Variants in DYTN observed in about 807,000 individuals in gnomAD.
DYTN encodes the protein dystrotelin.
DYTN carries 75 observed loss-of-function variants against 69.6 expected under a neutral mutation model. That is an observed-to-expected ratio of 1.08 (90% CI 0.89 to 1.31). The LOEUF is 1.31. DYTN is among the 50% of genes most tolerant of loss of function. The pLI is 0.00. For missense variants in DYTN, 726 were observed against 688.4 expected, an observed-to-expected ratio of 1.05 and a Z score of -0.61; for synonymous variants, 252 against 249.1, an observed-to-expected ratio of 1.01 and a Z score of -0.11.
chr2:206,687,756 A>G lies in DYTN; in HGVS notation c.980+5419T>C, dbSNP rs185995316. Reference sequence around the variant, plus strand: ...ATGCATTATTTTTCCATGAATTGAAATATCACCTTTATCATATATTAGGTT... The same window carrying G: ...ATGCATTATTTTTCCATGAATTGAAGTATCACCTTTATCATATATTAGGTT... On this transcript the variant is annotated intron_variant, in intron 9 of 11. Coordinates refer to ENST00000452335, the MANE Select transcript of DYTN (RefSeq NM_001093730.1). 6.2e-4 allele frequency among the ~76,000 whole-genome samples: 95 copies of G among 152,272 alleles called. 1 individual carries two copies. Among genetic ancestry groups the G allele is most frequent in the African/African-American group, 2.3e-3 (94 of 41,572 alleles).
chr2:206,667,692 G>A (rs968427561), intron 9 of DYTN, among the ~76,000 whole-genome samples: 2 of 134,868 alleles, frequency 1.5e-5, no homozygotes, highest in Non-Finnish European at 3.1e-5. Flanking sequence ...GCAACTTTGC[G>A]TGTGCGTGTG....
intron 7 of DYTN, among the ~76,000 whole-genome samples, chr2:206,696,247 A>C (rs77686261): frequency 0.019 from 2,821 of 152,288 alleles, 75 homozygotes; most frequent in African/African-American, 0.064. Flanking sequence ...ATGAGTAAGA[A>C]GGGTTTAGAG....
chr2:206,677,739 C>G (rs375278945), intron 9 of DYTN, among the ~76,000 whole-genome samples: 3 of 152,104 alleles, frequency 2.0e-5, no homozygotes, highest in African/African-American at 4.8e-5. Context: ...ACCTGTAATC[C>G]CAGCACTTTG....
intron 8 of DYTN, among the ~76,000 whole-genome samples, chr2:206,693,712 C>A (rs868155684): frequency 4.6e-5 from 7 of 152,214 alleles, no homozygotes; most frequent in South Asian, 2.1e-4. Context: ...ATTCTGCATA[C>A]AATTTCAGTG....
intron 2 of DYTN, among the ~76,000 whole-genome samples, chr2:206,708,162 TG>T (rs1700045787): frequency 6.6e-6 from 1 of 152,216 alleles, no homozygotes; most frequent in African/African-American, 2.4e-5. Context: ...CAAAAAATAA[TG>T]GTTTATTTCT....
At chr2:206,685,021 A>G (rs971209000) in intron 9 of DYTN, among the ~76,000 whole-genome samples, 1 of 152,202 alleles carries the variant, frequency 6.6e-6, no homozygotes, top group African/African-American at 2.4e-5. Context: ...ACAGATCACC[A>G]AACACTGTTA....
chr2:206,678,233 A>G (rs1437412226), intron 9 of DYTN, among the ~76,000 whole-genome samples: 1 of 152,242 alleles, frequency 6.6e-6, no homozygotes, highest in African/African-American at 2.4e-5. Flanking sequence ...TCTGAGTCAG[A>G]GAAATGCAAA....
chr2:206,701,694 T>C lies in DYTN; in HGVS notation c.484-1478A>G, dbSNP rs573930838. ...AACTTTCAGTTATAAGATTTATAAA[T>C]TCTGGGAATCTAATTGCAGCATGGC... On this transcript the variant is annotated intron_variant, in intron 5 of 11. Coordinates refer to ENST00000452335, the MANE Select transcript of DYTN (RefSeq NM_001093730.1). Among the ~76,000 whole-genome samples the C allele has an allele frequency of 4.6e-5, 7 of 152,262 alleles. No individual in the cohort carries two copies. In the South Asian group the frequency reaches 1.5e-3, roughly 32 times the overall value.
rs946131229 is a variant in DYTN, at chr2:206,699,901, A to G, written c.556-11T>C. 1.9e-6 allele frequency: 3 copies of G among 1,609,934 alleles called. No homozygotes were observed. Among genetic ancestry groups the G allele is most frequent in the Non-Finnish European group, 2.5e-6 (3 of 1,178,314 alleles). ...TGCTGGGCTCAACACCTGAAAAACA[A>G]TGGCACTCTAAGATGTGTTTTTAGG... is the stretch of plus-strand genomic sequence containing the variant. On this transcript the variant is annotated splice_polypyrimidine_tract_variant and intron_variant, in intron 6 of 11. Transcript: ENST00000452335.
At chr2:206,657,013 C>G (rs556825527) in intron 11 of DYTN, among the ~76,000 whole-genome samples, 3,064 of 152,244 alleles carry the variant, frequency 0.02, 59 homozygotes, top group South Asian at 0.034. Context: ...CCGCCCACCT[C>G]GGCTTCCCAA....
At chr2:206,713,182 G>C (rs547062796) in intron 1 of DYTN, among the ~76,000 whole-genome samples, 2 of 152,096 alleles carry the variant, frequency 1.3e-5, no homozygotes, top group African/African-American at 2.4e-5. Context: ...TGTGTATCTC[G>C]TGGAATGGCT....
At chr2:206,706,518 G>T (rs1700028731) in intron 3 of DYTN, among the ~76,000 whole-genome samples, 2 of 151,604 alleles carry the variant, frequency 1.3e-5, no homozygotes, top group South Asian at 4.2e-4. Context: ...AACTAGAAGA[G>T]AAAATAACTG....
intron 9 of DYTN, among the ~76,000 whole-genome samples, chr2:206,676,056 G>T (rs1203471007): frequency 1.3e-5 from 2 of 152,170 alleles, no homozygotes; most frequent in East Asian, 3.9e-4. Flanking sequence ...AATATCATTT[G>T]ACCCAGCAAT....
chr2:206,682,576 C>G (rs1227318075), intron 9 of DYTN, among the ~76,000 whole-genome samples: 1 of 152,092 alleles, frequency 6.6e-6, no homozygotes. Flanking sequence ...TGATCCTCTT[C>G]TCTTTCCCCT....
At chr2:206,664,970 G>A (rs1216815247) in intron 10 of DYTN, among the ~76,000 whole-genome samples, 1 of 152,188 alleles carries the variant, frequency 6.6e-6, no homozygotes, top group African/African-American at 2.4e-5. Flanking sequence ...TAATGAAACA[G>A]CGTGACATAA....
chr2:206,667,821 T>C (rs1026897610), intron 9 of DYTN, among the ~76,000 whole-genome samples: 3 of 152,254 alleles, frequency 2.0e-5, no homozygotes, highest in African/African-American at 7.2e-5. Flanking sequence ...TTTTATTTGA[T>C]CACTGCTGTT....
intron 11 of DYTN, among the ~76,000 whole-genome samples, chr2:206,659,195 G>A (rs1167886435): frequency 2.5e-4 from 33 of 130,496 alleles, no homozygotes; most frequent in African/African-American, 7.8e-4. Context: ...TTTTTGAGAC[G>A]GAGTCTCACC....
chr2:206,707,199 A>G (rs1252395846), intron 3 of DYTN, 103 bp downstream of exon 3: 1 of 1,384,144 alleles, frequency 7.2e-7, no homozygotes, highest in Admixed American at 2.2e-5. Context: ...AAGACTTCTT[A>G]TATACCAAAC....
intron 9 of DYTN, among the ~76,000 whole-genome samples, chr2:206,688,092 T>G (rs1177240229): frequency 6.6e-6 from 1 of 152,212 alleles, no homozygotes; most frequent in Non-Finnish European, 1.5e-5. Flanking sequence ...AAGGCTACCA[T>G]GAACAGTGAA....
Sources: allele counts gnomAD v4.1 joint callset (sites outside exome capture counted in the v4.1 genomes callset), GRCh38; gene constraint gnomAD v4.1.1; transcripts MANE v1.5; gene names NCBI Gene and HGNC (gene_info 2026-07-23, HGNC 2026-07-21).